Variants in GRB10 observed in about 807,000 individuals in gnomAD.
The protein encoded by GRB10 is growth factor receptor bound protein 10, also known as growth factor receptor-bound protein 10.
GRB10 carries 20 observed loss-of-function variants against 80.9 expected under a neutral mutation model. The ratio of observed to expected loss-of-function variants is 0.25; its 90% CI spans 0.17 to 0.36. The LOEUF (loss-of-function observed/expected upper bound fraction) is 0.36. GRB10 is among the 10% of genes least tolerant of loss of function. The pLI is 1.00. For synonymous variants in GRB10, 291 were observed against 291.5 expected (o/e 1.00, Z 0.02); for missense variants, 548 against 747.7 (o/e 0.73, Z 3.12).
At chr7:50,699,106 T>TCATACAGGAGTACTA (rs2063818924) in intron 5 of GRB10, among the ~76,000 whole-genome samples, 3 of 152,242 alleles carry the variant, frequency 2.0e-5, no homozygotes, top group Non-Finnish European at 4.4e-5. Flanking sequence ...AGGAGTACTA[T>TCATACAGGAGTACTA]TCCATTTTAC....
intron 5 of GRB10, among the ~76,000 whole-genome samples, chr7:50,690,711 C>A (rs912312798): frequency 6.6e-6 from 1 of 152,274 alleles, no homozygotes; most frequent in Non-Finnish European, 1.5e-5. Context: ...AGGGAAACTG[C>A]GGAGCAACGG....
intron 7 of GRB10, among the ~76,000 whole-genome samples, chr7:50,656,291 G>A (rs919840197): frequency 9.9e-5 from 15 of 152,208 alleles, no homozygotes; most frequent in African/African-American, 2.9e-4. Flanking sequence ...CTGATCCTCC[G>A]TCCCAGGGCG....
chr7:50,752,584 G>C (rs2074298885), intron 3 of GRB10, among the ~76,000 whole-genome samples: 1 of 152,158 alleles, frequency 6.6e-6, no homozygotes, highest in Admixed American at 6.5e-5. Flanking sequence ...TGTCGCTAAG[G>C]TAGATTGGTG....
At chr7:50,704,760 T>TCCAACATGCGAGGTGCTGGCGACAG (rs903773630) in intron 4 of GRB10, among the ~76,000 whole-genome samples, 1 of 152,182 alleles carries the variant, frequency 6.6e-6, no homozygotes. Flanking sequence ...ACGTGAAACA[T>TCCAACATGCGAGGTGCTGGCGACAG]CCAACATGCG....
At chr7:50,604,457 G>C in intron 15 of GRB10, 80 bp from the exon 16 acceptor site, 7 of 1,197,620 alleles carry the variant, frequency 5.8e-6, no homozygotes, top group East Asian at 2.3e-5. Context: ...GCTCATGGCA[G>C]GCCACTGGGT....
At chr7:50,619,947 C>T (rs1020578826) in intron 8 of GRB10, among the ~76,000 whole-genome samples, 2 of 152,208 alleles carry the variant, frequency 1.3e-5, no homozygotes, top group South Asian at 2.1e-4. Context: ...CATGCACGTA[C>T]GCACACGCCT....
intron 2 of GRB10, among the ~76,000 whole-genome samples, chr7:50,767,578 T>C (rs934078760): frequency 6.6e-6 from 1 of 152,152 alleles, no homozygotes; most frequent in African/African-American, 2.4e-5. Context: ...CATCGCACTC[T>C]TGAGTCACAG....
intron 2 of GRB10, among the ~76,000 whole-genome samples, chr7:50,759,888 C>A (rs1371119550): frequency 6.6e-6 from 1 of 152,088 alleles, no homozygotes; most frequent in Admixed American, 6.5e-5. Context: ...GGGCAGAGCG[C>A]GGACACCCCG....
chr7:50,646,565 T>C (rs559166118), intron 7 of GRB10, among the ~76,000 whole-genome samples: 1 of 152,278 alleles, frequency 6.6e-6, no homozygotes, highest in South Asian at 2.1e-4. Context: ...GGTCTCCTGG[T>C]TGGACATAGA....
intron 4 of GRB10, among the ~76,000 whole-genome samples, chr7:50,725,298 T>C (rs1362199049): frequency 6.6e-6 from 1 of 152,216 alleles, no homozygotes; most frequent in South Asian, 2.1e-4. Context: ...TCCAGCCACG[T>C]AAGACTTGCC....
In GRB10 at chr7:50,776,487, C is replaced by T. The variant is rs540733348; in HGVS notation, c.-217+4140G>A. 3.7e-4 allele frequency among the ~76,000 whole-genome samples: 56 copies of T among 152,208 alleles called. 1 individual carries two copies. The South Asian group carries it at 0.011, about 31-fold the overall frequency. The stretch of plus-strand genomic sequence containing the variant: ...CCTCTCACCTTGGCCTCTCAAAGTG[C>T]TGGGATTACAGGCATGAGCCATAGT... On this transcript the variant is annotated intron_variant, in intron 2 of 18. Coordinates refer to ENST00000401949, the MANE Select transcript of GRB10 (RefSeq NM_001350814.2).
At chr7:50,601,118 TGC>T (rs1276824874) in intron 17 of GRB10, among the ~76,000 whole-genome samples, 3 of 152,258 alleles carry the variant, frequency 2.0e-5, no homozygotes, top group Admixed American at 2.0e-4. Flanking sequence ...CTGCGGGAAC[TGC>T]GCAGCGCAGT....
intron 7 of GRB10, among the ~76,000 whole-genome samples, chr7:50,659,340 C>CCT (rs1268886224): frequency 6.6e-6 from 1 of 152,190 alleles, no homozygotes; most frequent in Non-Finnish European, 1.5e-5. Flanking sequence ...AGATCTCAGT[C>CCT]ACCTCAGCAA....
rs142400700 is a variant in GRB10, at chr7:50,759,427, C to G, written c.-216-3371G>C. Among the ~76,000 whole-genome samples the G allele has an allele frequency of 7.1e-3, 1,082 of 152,156 alleles. 15 individuals are homozygous for G. The highest frequency in any genetic ancestry group is 0.021 in the African/African-American group (877 of 41,500). ...CCTATGGCGGATCGGTTCCAGGACA[C>G]CAGAGACACCAAAATCCATCAGAGG... On this transcript the variant is annotated intron_variant, in intron 2 of 18. Coordinates refer to ENST00000401949, the MANE Select transcript of GRB10 (RefSeq NM_001350814.2).
chr7:50,671,501 G>A (rs539617737), intron 6 of GRB10, among the ~76,000 whole-genome samples: 4 of 152,194 alleles, frequency 2.6e-5, no homozygotes, highest in Non-Finnish European at 5.9e-5. Context: ...GAACTCACAT[G>A]GCATGAAGGG....
At chr7:50,704,034 T>A in intron 4 of GRB10, 126 bp from the exon 5 acceptor site, 1 of 669,864 alleles carries the variant, frequency 1.5e-6, no homozygotes. Flanking sequence ...ACTTACTTAC[T>A]TTTTCCATTT....
Position 50,774,826 on chromosome 7 carries a change from C to T in GRB10, c.-217+5801G>A, listed in dbSNP as rs117366308. ...TTTCATCTAAATCAGACATGTGAGACTCAAAGATGTGTTTCAACCTGAGGC... is the reference window on the plus strand; with the variant it reads ...TTTCATCTAAATCAGACATGTGAGATTCAAAGATGTGTTTCAACCTGAGGC... On this transcript the variant is annotated intron_variant, in intron 2 of 18. Transcript: ENST00000401949. 4.5e-3 allele frequency among the ~76,000 whole-genome samples: 683 copies of T among 152,020 alleles called. 5 individuals are homozygous for T. Among genetic ancestry groups the T allele is most frequent in the Non-Finnish European group, 8.3e-3 (562 of 67,976 alleles).
Position 50,614,803 on chromosome 7 carries a change from G to A in GRB10, c.1062C>T (p.Tyr354=). The A allele has an allele frequency of 6.2e-7, 1 of 1,613,970 alleles. No individual in the cohort carries two copies. Residue 354 remains tyrosine, a synonymous_variant, in exon 12 of 19, where the codon TAC becomes TAT. Transcript: ENST00000401949. ...AGAGCCCGTGGTCTGTAGGGGCGTT[G>A]TACTGCTTCCTGCCAGCGATCAGGG... ...IFSLIAGRKQ[Y]NAPTDHGLCI...
intron 7 of GRB10, among the ~76,000 whole-genome samples, chr7:50,651,771 C>T (rs2058029230): frequency 6.6e-6 from 1 of 152,246 alleles, no homozygotes; most frequent in African/African-American, 2.4e-5. Flanking sequence ...CTTCAGTGCA[C>T]AGAACTTTCA....
Sources: gnomAD v4.1 joint callset for allele counts (sites outside exome capture counted in the v4.1 genomes callset) on GRCh38, gnomAD v4.1.1 for gene constraint, MANE v1.5 for transcripts, NCBI Gene and HGNC (gene_info 2026-07-23, HGNC 2026-07-21) for gene names.